Variants in BRD1 observed in about 807,000 individuals in gnomAD.
BRD1 encodes the protein bromodomain-containing protein 1.
In BRD1, 24 loss-of-function variants were observed where a neutral mutation model predicts 107.7. The observed-to-expected ratio is 0.22, with a 90% CI of 0.16 to 0.31. The LOEUF (loss-of-function observed/expected upper bound fraction) is 0.31. Among genes scored for constraint, BRD1 ranks in the 10% least tolerant of loss-of-function variants. The pLI, the probability that BRD1 is intolerant of heterozygous loss-of-function variation, is 1.00. For missense variants in BRD1, 1,279 were observed against 1,638.6 expected, an observed-to-expected ratio of 0.78 and a Z score of 3.79; for synonymous variants, 744 against 686.1, an observed-to-expected ratio of 1.08 and a Z score of -1.32.
chr22:49,779,741 G>A (rs1212698603), intron 8 of BRD1, among the ~76,000 whole-genome samples: 2 of 151,994 alleles, frequency 1.3e-5, no homozygotes, highest in Admixed American at 1.3e-4. Flanking sequence ...TAAAAGTCCC[G>A]TCCTGGCCCC....
chr22:49,800,212 C>A (rs1451270841), intron 3 of BRD1, among the ~76,000 whole-genome samples: 1 of 152,144 alleles, frequency 6.6e-6, no homozygotes, highest in Non-Finnish European at 1.5e-5. Context: ...ACCCCGGACT[C>A]CAAACTGCTC....
chr22:49,818,795 A>T (rs2060005683), intron 2 of BRD1, among the ~76,000 whole-genome samples: 1 of 151,930 alleles, frequency 6.6e-6, no homozygotes, highest in Non-Finnish European at 1.5e-5. Context: ...CTGAGGCAGG[A>T]GAATGGCGTG....
intron 7 of BRD1, among the ~76,000 whole-genome samples, chr22:49,791,258 C>A (rs2059428718): frequency 6.6e-6 from 1 of 152,254 alleles, no homozygotes. Context: ...GCGGCTACGG[C>A]AGAGCCTGCG....
chr22:49,804,531 G>A (rs528592787), intron 2 of BRD1, among the ~76,000 whole-genome samples, 171 bp from the exon 3 acceptor site: 2 of 152,106 alleles, frequency 1.3e-5, no homozygotes, highest in African/African-American at 2.4e-5. Context: ...CAAAATTCAC[G>A]ATCTCCAACC....
rs1172876722 is a variant in BRD1, at chr22:49,824,573, C to T, written c.-14-242G>A. On this transcript the variant is annotated intron_variant, in intron 1 of 12. Coordinates refer to ENST00000404760, the MANE Select transcript of BRD1 (RefSeq NM_001304808.3). The surrounding 1 kb of genome is among the most constrained non-coding windows in gnomAD (Gnocchi z 5.9). ...CAGCCTGAGGAGCCCTCCTGAGCACCTGCGTCCCTACCACCACACACCAGT... is the reference window on the plus strand; with the variant it reads ...CAGCCTGAGGAGCCCTCCTGAGCACTTGCGTCCCTACCACCACACACCAGT... The T allele has an allele frequency of 7.5e-7, 1 of 1,342,204 alleles. No homozygotes were observed. Among genetic ancestry groups the T allele is most frequent in the Non-Finnish European group, 9.6e-7 (1 of 1,043,264 alleles). 83.1% of individuals were successfully genotyped at this position (1,342,204 alleles called of 1,614,324 possible). A position where few individuals can be genotyped will look rare whatever the true frequency, so the allele number is the denominator to read the frequency against.
chr22:49,818,951 G>A (rs1466768709), intron 2 of BRD1, among the ~76,000 whole-genome samples: 1 of 152,090 alleles, frequency 6.6e-6, no homozygotes, highest in Non-Finnish European at 1.5e-5. Flanking sequence ...GTATGCTGGA[G>A]AGAGGAAGTG....
Position 49,787,471 on chromosome 22 carries a change from G to A in BRD1, c.2776C>T (p.Leu926=). Residue 926 remains leucine, a synonymous_variant, in exon 8 of 13, where the codon CTG becomes TTG. Coordinates refer to ENST00000404760, the MANE Select transcript of BRD1 (RefSeq NM_001304808.3). The part of the protein sequence containing the change: ...SVVLPRLETL[L]QPRKRSRSTC... ...CTCCGCGACCTTTTCCTTGGCTGCA[G>A]AAGAGTCTCCAACCTCGGAAGGACT... 1.2e-6 allele frequency: 2 copies of A among 1,614,252 alleles called. No homozygotes were observed. Among genetic ancestry groups the A allele is most frequent in the Non-Finnish European group, 8.5e-7 (1 of 1,180,048 alleles).
intron 2 of BRD1, among the ~76,000 whole-genome samples, chr22:49,805,143 G>A (rs568105837): frequency 1.2e-4 from 18 of 152,306 alleles, no homozygotes; most frequent in Admixed American, 3.9e-4. Flanking sequence ...CTGTTTTACC[G>A]TGCTCACTAA....
chr22:49,794,926 T>G (rs2059501835), intron 6 of BRD1, among the ~76,000 whole-genome samples: 1 of 151,692 alleles, frequency 6.6e-6, no homozygotes, highest in Non-Finnish European at 1.5e-5. Flanking sequence ...TTACCTTAAA[T>G]AAGTAAGAGA....
intron 8 of BRD1, among the ~76,000 whole-genome samples, 177 bp downstream of exon 8, chr22:49,787,213 C>T (rs1221833382): frequency 6.6e-6 from 1 of 152,118 alleles, no homozygotes; most frequent in Non-Finnish European, 1.5e-5. Flanking sequence ...CGGCCTCAGA[C>T]CCGCAACTCA....
chr22:49,776,182 G>T (rs1165119419), intron 10 of BRD1, 23 bp from the exon 11 acceptor site: 2 of 1,591,878 alleles, frequency 1.3e-6, no homozygotes, highest in East Asian at 2.2e-5. Context: ...GCGTCAGCAG[G>T]ACACAGGCGT....
At position 49,799,123 on chromosome 22, in the gene BRD1, A is replaced by G. The variant is rs375823247; in HGVS notation, c.1525-4T>C. ...TCATCTCCTCATCATTTTCTCTCTG[A>G]GAACAGTGAACACTTCCGTCAGTCA... On this transcript the variant is annotated splice_polypyrimidine_tract_variant and splice_region_variant and intron_variant, in intron 3 of 12. Coordinates refer to ENST00000404760, the MANE Select transcript of BRD1 (RefSeq NM_001304808.3). 5.6e-6 allele frequency: 9 copies of G among 1,605,134 alleles called. No homozygotes were observed. The South Asian group carries it at 9.9e-5, about 18-fold the overall frequency.
At chr22:49,814,597 G>A (rs915828219) in intron 2 of BRD1, among the ~76,000 whole-genome samples, 3 of 152,262 alleles carry the variant, frequency 2.0e-5, no homozygotes, top group African/African-American at 7.2e-5. Context: ...TCTATGTAGA[G>A]CACCTGGGTA....
chr22:49,816,958 G>A (rs190635189), intron 2 of BRD1, among the ~76,000 whole-genome samples: 287 of 152,290 alleles, frequency 1.9e-3, no homozygotes, highest in Non-Finnish European at 3.3e-3. Context: ...CTATCCATCC[G>A]CCAGGACCTG....
rs2059035449 is a variant in BRD1 at position 49,774,138 on chromosome 22, T to A, written c.*95A>T. ...CCGGGGAAAAAGAATTAAAGAGCTA[T>A]AACTAAAAATCAGAATAAGTTAAGT... On this transcript the variant is annotated 3_prime_UTR_variant, in exon 13 of 13. Coordinates refer to ENST00000404760, the MANE Select transcript of BRD1 (RefSeq NM_001304808.3). 1 of 1,415,544 alleles carries A rather than the reference T, an allele frequency of 7.1e-7. No individual in the cohort carries two copies. Among genetic ancestry groups the A allele is most frequent in the Non-Finnish European group, 9.4e-7 (1 of 1,063,366 alleles). 87.7% of individuals were successfully genotyped at this position (1,415,544 alleles called of 1,614,324 possible).
chr22:49,818,557 G>T (rs2060001060), intron 2 of BRD1, among the ~76,000 whole-genome samples: 1 of 152,114 alleles, frequency 6.6e-6, no homozygotes, highest in African/African-American at 2.4e-5. Context: ...TGGTGCAAAT[G>T]GAAAAGACTT....
chr22:49,787,789 G>C lies in BRD1; in HGVS notation c.2458C>G (p.Leu820Val). 6.4e-7 allele frequency: 1 copy of C among 1,550,928 alleles called. No homozygotes were observed. Among genetic ancestry groups the C allele is most frequent in the Non-Finnish European group, 8.7e-7 (1 of 1,147,076 alleles). The change falls in exon 8 of 13, where the codon CTC (leucine) becomes GTC (valine). Residue 820 changes from leucine (L) to valine (V), a missense_variant. Leu to Val is a conservative substitution (Grantham distance 32). Coordinates refer to ENST00000404760, the MANE Select transcript of BRD1 (RefSeq NM_001304808.3). The stretch of plus-strand genomic sequence containing the variant: ...AAAAGTTTACTCTGCTCTGGGTTGA[G>C]TTCTACTGGTTTGAGGGTTGGTGGT... ...SEPPTLKPVE[L>V]NPEQSKLFKR... is the part of the protein sequence containing the mutation.
At position 49,787,587 on chromosome 22, in the gene BRD1, T is replaced by G; in HGVS notation, c.2660A>C (p.Lys887Thr). Residue 887 changes from lysine (K) to threonine (T), a missense_variant, in exon 8 of 13, where the codon AAA becomes ACA. Physicochemically the swap from Lys to Thr is moderately conservative, Grantham distance 78. Around this residue, in one of 7 missense-constraint regions of BRD1, gnomAD observed 263 missense variants for 251.6 expected, o/e 1.05. Coordinates refer to ENST00000404760, the MANE Select transcript of BRD1 (RefSeq NM_001304808.3). ...CTTTGGGGGGCTTACACTTTTCGATTTGCAGAAGAGAACAGAAGTGCGTCT... is the reference window on the plus strand; with the variant it reads ...CTTTGGGGGGCTTACACTTTTCGATGTGCAGAAGAGAACAGAAGTGCGTCT... ...VNRRTSVLFC[K>T]SKSVSPPKSA... 4 of 1,562,934 alleles carry G rather than the reference T, an allele frequency of 2.6e-6. No homozygotes were observed. Among genetic ancestry groups the G allele is most frequent in the Non-Finnish European group, 3.5e-6 (4 of 1,153,114 alleles).
intron 2 of BRD1, among the ~76,000 whole-genome samples, chr22:49,819,307 T>A (rs2060017574): frequency 6.6e-6 from 1 of 151,298 alleles, no homozygotes; most frequent in African/African-American, 2.4e-5. Flanking sequence ...TAAATCAATG[T>A]AAGGCCAGGC....
Sources: gnomAD v4.1 joint callset for allele counts (sites outside exome capture counted in the v4.1 genomes callset) on GRCh38, gnomAD v4.1.1 for gene constraint, gnomAD v4.1.1 regional missense constraint, Gnocchi (gnomAD v3.1) non-coding constraint, MANE v1.5 for transcripts, NCBI Gene and HGNC (gene_info 2026-07-23, HGNC 2026-07-21) for gene names.